The following FAM13A variants were observed in gnomAD, a reference collection of about 807,000 sequenced individuals.
FAM13A encodes the protein family with sequence similarity 13 member A, also known as protein FAM13A.
A neutral mutation model predicts 129.6 loss-of-function variants in FAM13A; 76 were observed. That is an observed-to-expected ratio of 0.59 (90% CI 0.49 to 0.71). The LOEUF (loss-of-function observed/expected upper bound fraction) is 0.71, where lower values mean the gene tolerates loss of function less well. Among genes scored for constraint, FAM13A ranks in the 30% least tolerant of loss-of-function variants. The probability of loss-of-function intolerance (pLI) is 0.00; values close to 1 mark genes in which losing one functional copy is unlikely to be tolerated. For missense variants in FAM13A, 1,108 were observed against 1,249.3 expected (o/e 0.89, Z 1.70); for synonymous variants, 443 against 449.9 (o/e 0.98, Z 0.20).
chr4:89,017,511 A>G (rs1251250310), intron 3 of FAM13A, among the ~76,000 whole-genome samples: 1 of 152,200 alleles, frequency 6.6e-6, no homozygotes, highest in African/African-American at 2.4e-5. Flanking sequence ...CTCATATCAA[A>G]TGAAAACTAT....
At chr4:88,731,927 A>G (rs897163201) in intron 22 of FAM13A, 75 bp downstream of exon 22, 2 of 1,139,402 alleles carry the variant, frequency 1.8e-6, no homozygotes, top group Non-Finnish European at 2.5e-6. Context: ...ATTTATTTAG[A>G]TACAAAGGCT....
chr4:89,002,044 G>C (rs1379314526), intron 3 of FAM13A, among the ~76,000 whole-genome samples: 1 of 151,394 alleles, frequency 6.6e-6, no homozygotes, highest in African/African-American at 2.4e-5. Flanking sequence ...ATGGGTTGTG[G>C]GGGTAAAAAA....
intron 4 of FAM13A, among the ~76,000 whole-genome samples, chr4:88,983,689 G>T (rs1198640168): frequency 1.3e-5 from 2 of 152,064 alleles, no homozygotes; most frequent in East Asian, 3.9e-4. Context: ...CACATATTGG[G>T]AGATTTAATT....
intron 4 of FAM13A, chr4:88,990,627 T>C (rs1044289943): frequency 5.6e-6 from 1 of 177,822 alleles, no homozygotes; most frequent in Non-Finnish European, 1.2e-5. Context: ...TATTACTATT[T>C]AAAAAATTAT....
intron 19 of FAM13A, 31 bp from the exon 20 acceptor site, chr4:88,739,156 C>A (rs1183065873): frequency 4.6e-6 from 7 of 1,509,022 alleles, no homozygotes; most frequent in Admixed American, 1.7e-5. Context: ...CTATGAGAAG[C>A]CTGCTGCTGG....
Position 88,750,590 on chromosome 4 carries a change from C to G in FAM13A, c.1774G>C (p.Asp592His). 6.2e-7 allele frequency: 1 copy of G among 1,614,122 alleles called. No individual in the cohort carries two copies. ...GCCTGCGGCGAGAGGTGGGCTTCAT[C>G]AGAGTCACTGTTCTCCCGCTGCCAG... ...SSWQRENSDS[D>H]EAHLSPQAGR... is the part of the protein sequence containing the mutation. The change falls in exon 15 of 24, where the codon GAT becomes CAT. Residue 592 changes from aspartate to histidine, a missense_variant. Transcript: ENST00000264344.
intron 5 of FAM13A, among the ~76,000 whole-genome samples, chr4:88,935,957 C>T (rs1040889848): frequency 1.3e-5 from 2 of 152,156 alleles, no homozygotes; most frequent in African/African-American, 4.8e-5. Context: ...TCTGCTTTGG[C>T]AGAATGACAC....
chr4:88,983,394 A>C (rs1761879207), intron 4 of FAM13A, among the ~76,000 whole-genome samples: 1 of 152,166 alleles, frequency 6.6e-6, no homozygotes, highest in Non-Finnish European at 1.5e-5. Context: ...ATGGCAAAAG[A>C]TACAAACAGG....
intron 4 of FAM13A, among the ~76,000 whole-genome samples, chr4:88,950,136 T>C (rs1309791969): frequency 6.6e-6 from 1 of 152,126 alleles, no homozygotes; most frequent in Non-Finnish European, 1.5e-5. Context: ...TCAACAAAAT[T>C]AGTAAAAAAG....
At chr4:88,923,844 C>A (rs1240842670) in intron 5 of FAM13A, among the ~76,000 whole-genome samples, 1 of 152,152 alleles carries the variant, frequency 6.6e-6, no homozygotes, top group African/African-American at 2.4e-5. Flanking sequence ...TGATAAGCAA[C>A]TTCAGCAAAG....
At chr4:88,828,028 TA>T (rs1385003205) in intron 7 of FAM13A, among the ~76,000 whole-genome samples, 1 of 152,356 alleles carries the variant, frequency 6.6e-6, no homozygotes, top group South Asian at 2.1e-4. Flanking sequence ...TTTTCTATCC[TA>T]AATATTTGCT....
At chr4:88,852,282 C>T (rs1441432990) in intron 6 of FAM13A, among the ~76,000 whole-genome samples, 2 of 152,060 alleles carry the variant, frequency 1.3e-5, no homozygotes, top group South Asian at 4.2e-4. Flanking sequence ...CTTCCTCAGC[C>T]TCCTGAGTAG....
chr4:88,833,933 C>T (rs181897972), intron 7 of FAM13A, among the ~76,000 whole-genome samples: 16 of 151,944 alleles, frequency 1.1e-4, no homozygotes, highest in Admixed American at 2.6e-4. Context: ...TTTAATTTTA[C>T]GAGACAGAGT....
intron 6 of FAM13A, among the ~76,000 whole-genome samples, chr4:88,865,109 G>C (rs1740155525): frequency 6.6e-6 from 1 of 152,126 alleles, no homozygotes; most frequent in South Asian, 2.1e-4. Flanking sequence ...CAAAATAAAA[G>C]CAGAAGAAAC....
At chr4:88,949,247 G>T (rs1756512849) in intron 4 of FAM13A, among the ~76,000 whole-genome samples, 1 of 151,992 alleles carries the variant, frequency 6.6e-6, no homozygotes, top group Non-Finnish European at 1.5e-5. Context: ...ACCCCTTTTG[G>T]TATTGGCATC....
intron 13 of FAM13A, among the ~76,000 whole-genome samples, chr4:88,767,320 C>A (rs1485991949): frequency 6.6e-6 from 1 of 152,106 alleles, no homozygotes; most frequent in Admixed American, 6.5e-5. Flanking sequence ...AGAGAAATCC[C>A]TATGCTATTA....
chr4:89,020,605 C>T lies in FAM13A; in HGVS notation c.282G>A (p.Leu94=). 3 of 1,614,176 alleles carry T rather than the reference C, an allele frequency of 1.9e-6. No homozygotes were observed. Among genetic ancestry groups the T allele is most frequent in the Non-Finnish European group, 2.5e-6 (3 of 1,180,028 alleles). Residue 94 remains leucine, a synonymous_variant, in exon 3 of 24, where the codon CTG becomes CTA. Transcript: ENST00000264344. ...CCACGGGCACTCCACTCTCGAACTT[C>T]AGTCGAAGTTGTTCCACCACCTTCA... The part of the protein sequence containing the change: ...GNVKVVEQLR[L]KFESGVPVEL...
intron 8 of FAM13A, among the ~76,000 whole-genome samples, chr4:88,795,897 C>G (rs1047265175): frequency 1.3e-5 from 2 of 151,728 alleles, no homozygotes; most frequent in Non-Finnish European, 3.0e-5. Context: ...ATAACCCTTA[C>G]AGTAAACTTC....
chr4:88,991,078 A>C lies in FAM13A; in HGVS notation c.500T>G (p.Leu167Arg). 3 of 1,613,820 alleles carry C rather than the reference A, an allele frequency of 1.9e-6. No individual in the cohort carries two copies. The highest frequency in any genetic ancestry group is 2.5e-6 in the Non-Finnish European group (3 of 1,179,682). Reference sequence around the variant, plus strand: ...CAAGAACTGGCAAAGGTACTTGAGGAGGCAGTAGTGGGTGTCTGGCAGCTC... The same window carrying C: ...CAAGAACTGGCAAAGGTACTTGAGGCGGCAGTAGTGGGTGTCTGGCAGCTC... The part of the protein sequence containing the change: ...IKELPDTHYC[L>R]LKYLCQFLTK... Residue 167 changes from leucine to arginine, a missense_variant, in exon 4 of 24, where the codon CTC becomes CGC. Leu to Arg is a moderately radical substitution (Grantham distance 102). This residue lies in a region of FAM13A where 566 missense variants were observed against 595.7 expected (regional missense o/e 0.95). Coordinates refer to ENST00000264344, the MANE Select transcript of FAM13A (RefSeq NM_014883.4).
Sources: allele counts gnomAD v4.1 joint callset (sites outside exome capture counted in the v4.1 genomes callset), GRCh38; gene constraint gnomAD v4.1.1; regional missense constraint gnomAD v4.1.1; transcripts MANE v1.5; gene names NCBI Gene and HGNC (gene_info 2026-07-23, HGNC 2026-07-21).